Variants in RHPN2 observed in about 807,000 individuals in gnomAD.
RHPN2 encodes the protein rhophilin-2.
In RHPN2, 40 loss-of-function variants were observed where a neutral mutation model predicts 79.0. That is an observed-to-expected ratio of 0.51 (90% CI 0.39 to 0.66). The LOEUF is 0.66. Ranked by LOEUF, RHPN2 falls within the 30% of genes least tolerant of loss-of-function variation. The pLI is 0.00. For synonymous variants in RHPN2, 285 were observed against 363.5 expected, an observed-to-expected ratio of 0.78 and a Z score of 2.46; for missense variants, 686 against 883.5, an observed-to-expected ratio of 0.78 and a Z score of 2.83.
At chr19:32,983,303 G>T (rs1366429401) in intron 14 of RHPN2, among the ~76,000 whole-genome samples, 1 of 152,068 alleles carries the variant, frequency 6.6e-6, no homozygotes, top group Non-Finnish European at 1.5e-5. Flanking sequence ...ACAAGGTCAG[G>T]AGATTGAGAC....
intron 2 of RHPN2, among the ~76,000 whole-genome samples, chr19:33,037,609 G>A (rs1972068873): frequency 6.6e-6 from 1 of 152,074 alleles, no homozygotes; most frequent in African/African-American, 2.4e-5. Flanking sequence ...CCGGGAGGAA[G>A]GAACAACTCC....
At chr19:33,063,382 G>T (rs1266845668) in intron 1 of RHPN2, among the ~76,000 whole-genome samples, 2 of 151,994 alleles carry the variant, frequency 1.3e-5, no homozygotes, top group Non-Finnish European at 2.9e-5. Context: ...CAGTCTCTCT[G>T]TGTCACCTGG....
intron 2 of RHPN2, 138 bp from the exon 3 acceptor site, chr19:33,026,770 T>A: frequency 1.0e-6 from 1 of 982,750 alleles, no homozygotes; most frequent in Non-Finnish European, 1.6e-6. Context: ...GGTTAAGGTA[T>A]CCCAGGGACA....
At chr19:33,038,786 T>A (rs1459256827) in intron 2 of RHPN2, among the ~76,000 whole-genome samples, 4 of 152,092 alleles carry the variant, frequency 2.6e-5, no homozygotes, top group Non-Finnish European at 5.9e-5. Context: ...GCCTCCCGAG[T>A]AGCTGGGATT....
chr19:33,031,043 C>T (rs957055299), intron 2 of RHPN2, among the ~76,000 whole-genome samples: 1 of 152,100 alleles, frequency 6.6e-6, no homozygotes, highest in African/African-American at 2.4e-5. Flanking sequence ...TGGACCAGTA[C>T]TGGTTTATGT....
At chr19:32,987,754 C>T (rs977974986) in intron 14 of RHPN2, among the ~76,000 whole-genome samples, 2 of 152,188 alleles carry the variant, frequency 1.3e-5, no homozygotes, top group Admixed American at 6.5e-5. Context: ...ATTTCTTCCT[C>T]GAACTGTAAG....
chr19:33,015,387 T>C (rs1466246561), intron 4 of RHPN2, among the ~76,000 whole-genome samples: 50 of 152,082 alleles, frequency 3.3e-4, no homozygotes, highest in Admixed American at 2.6e-4. Context: ...ATTGAGCCAT[T>C]GCACTCCAGC....
chr19:33,050,963 C>G lies in RHPN2; in HGVS notation c.70-6599G>C, dbSNP rs144298742. 3.7e-3 allele frequency among the ~76,000 whole-genome samples: 567 copies of G among 152,310 alleles called. 6 individuals are homozygous for G. The highest frequency in any genetic ancestry group is 0.013 in the African/African-American group (529 of 41,570). On this transcript the variant is annotated intron_variant, in intron 1 of 14. Coordinates refer to ENST00000254260, the MANE Select transcript of RHPN2 (RefSeq NM_033103.5). ...TCTAGCACCTGCAACTAAAAAAGTA[C>G]TAACTCAAATAAGTTTACCTAGAGT...
chr19:33,008,749 GACA>G (rs1421515982), intron 6 of RHPN2, among the ~76,000 whole-genome samples: 9 of 151,992 alleles, frequency 5.9e-5, no homozygotes, highest in South Asian at 4.2e-4. Flanking sequence ...CAGCCTGGGC[GACA>G]ACAACAACAA....
At position 33,006,578 on chromosome 19, in the gene RHPN2, C is replaced by T. The variant is rs74592141; in HGVS notation, c.760+1436G>A. ...TCGATGATCAGCCCAGAAGGCAACA[C>T]GCTATAGAGCTAGCGTGGGGAACAC... On this transcript the variant is annotated intron_variant, in intron 7 of 14. Transcript: ENST00000254260. Among the ~76,000 whole-genome samples, 634 of 152,312 alleles carry T rather than the reference C, an allele frequency of 4.2e-3. 5 individuals carry two copies. The highest frequency in any genetic ancestry group is 0.015 in the African/African-American group (609 of 41,580).
chr19:33,062,467 G>GAA (rs552189468), intron 1 of RHPN2, among the ~76,000 whole-genome samples: 5 of 130,248 alleles, frequency 3.8e-5, no homozygotes, highest in African/African-American at 5.7e-5. Context: ...ATCTCAGGGG[G>GAA]AAAAAAAAAA....
intron 4 of RHPN2, among the ~76,000 whole-genome samples, chr19:33,017,931 G>A (rs778660541): frequency 2.0e-5 from 3 of 151,704 alleles, no homozygotes; most frequent in Non-Finnish European, 2.9e-5. Flanking sequence ...TGAGGCAGGT[G>A]TATCATGAGG....
At chr19:33,018,867 T>C (rs902112657) in intron 4 of RHPN2, among the ~76,000 whole-genome samples, 1 of 150,710 alleles carries the variant, frequency 6.6e-6, no homozygotes, top group Non-Finnish European at 1.5e-5. Flanking sequence ...ACCCCATCTC[T>C]ACTAAAAATA....
At position 33,008,155 on chromosome 19, in the gene RHPN2, C is replaced by T; in HGVS notation, c.619G>A (p.Val207Ile). ...TCCAGCAGCAGGTTCTGCTGGCTGA[C>T]CGGAACCCCGGTGAGAGAGTCATAC... is the stretch of plus-strand genomic sequence containing the variant. ...TWYDSLTGVP[V>I]SQQNLLLEKA... Residue 207 changes from valine to isoleucine, a missense_variant, in exon 7 of 15, where the codon GTC becomes ATC. Val to Ile is a conservative substitution (Grantham distance 29). Coordinates refer to ENST00000254260, the MANE Select transcript of RHPN2 (RefSeq NM_033103.5). 6.2e-7 allele frequency: 1 copy of T among 1,614,084 alleles called. No individual in the cohort carries two copies. Among genetic ancestry groups the T allele is most frequent in the South Asian group, 1.1e-5 (1 of 91,072 alleles).
In RHPN2 at chr19:33,031,775, G is replaced by A. The variant is rs186767231; in HGVS notation, c.186-5143C>T. 6.6e-4 allele frequency among the ~76,000 whole-genome samples: 100 copies of A among 151,998 alleles called. 1 individual carries two copies. The highest frequency in any genetic ancestry group is 1.9e-3 in the African/African-American group (79 of 41,472). ...TGGCTCACTGCATGCTCTGCCTCAC[G>A]GGTTCCAGTGATTCTCCTGCCTCAG... On this transcript the variant is annotated intron_variant, in intron 2 of 14. Coordinates refer to ENST00000254260, the MANE Select transcript of RHPN2 (RefSeq NM_033103.5).
At chr19:32,999,167 G>A (rs568174950) in intron 10 of RHPN2, among the ~76,000 whole-genome samples, 22 of 152,046 alleles carry the variant, frequency 1.4e-4, no homozygotes, top group African/African-American at 4.8e-4. Context: ...TAGGGTGGTG[G>A]AGGTGAGGTC....
intron 3 of RHPN2, 80 bp downstream of exon 3, chr19:33,026,424 T>C (rs1014809134): frequency 6.4e-7 from 1 of 1,567,972 alleles, no homozygotes; most frequent in African/African-American, 1.3e-5. Flanking sequence ...GAACGCTATC[T>C]GACCTCTTTG....
In RHPN2 at chr19:33,032,220, C is replaced by T. The variant is rs541026219; in HGVS notation, c.186-5588G>A. On this transcript the variant is annotated intron_variant, in intron 2 of 14. Transcript: ENST00000254260. ...ATTTTTAGTAGAGACGGGGTTTCAC[C>T]ATGTTGGCCTGGTCTCCACCTCCTG... Among the ~76,000 whole-genome samples, 10 of 151,622 alleles carry T rather than the reference C, an allele frequency of 6.6e-5. No homozygotes were observed. In the East Asian group the frequency reaches 1.6e-3, roughly 24 times the overall value.
intron 7 of RHPN2, among the ~76,000 whole-genome samples, chr19:33,003,825 G>A (rs1323062793): frequency 1.3e-5 from 2 of 152,082 alleles, no homozygotes; most frequent in African/African-American, 4.8e-5. Flanking sequence ...TGGAAAAGCG[G>A]GCAATGGGAA....
Sources: gnomAD v4.1 joint callset for allele counts (sites outside exome capture counted in the v4.1 genomes callset) on GRCh38, gnomAD v4.1.1 for gene constraint, MANE v1.5 for transcripts, NCBI Gene and HGNC (gene_info 2026-07-23, HGNC 2026-07-21) for gene names.